The following PADI3 variants were observed in gnomAD, a reference collection of about 807,000 sequenced individuals.
PADI3 encodes the protein protein-arginine deiminase type-3.
PADI3 carries 53 observed loss-of-function variants against 71.5 expected under a neutral mutation model. That is an observed-to-expected ratio of 0.74 (90% CI 0.59 to 0.93). PADI3 has a LOEUF of 0.93. Among genes scored for constraint, PADI3 ranks in the 40% least tolerant of loss-of-function variants. The pLI is 0.00. For missense variants in PADI3, 821 were observed against 868.0 expected (o/e 0.95, Z 0.68); for synonymous variants, 361 against 347.5 (o/e 1.04, Z -0.43).
chr1:17,259,525 C>G, intron 1 of PADI3, 53 bp from the exon 2 acceptor site: 1 of 1,493,710 alleles, frequency 6.7e-7, no homozygotes, highest in Non-Finnish European at 9.0e-7. Flanking sequence ...GCTCAAACAT[C>G]TGAGCAAAAT....
chr1:17,257,031 C>CAAAAAAAA (rs967292996), intron 1 of PADI3, among the ~76,000 whole-genome samples: 1 of 37,606 alleles, frequency 2.7e-5, no homozygotes, highest in African/African-American at 8.9e-5. Context: ...GACTCTGTCT[C>CAAAAAAAA]AAAAAAAAAA....
At chr1:17,270,609 C>T (rs1212202416) in intron 7 of PADI3, among the ~76,000 whole-genome samples, 198 bp downstream of exon 7, 1 of 151,932 alleles carries the variant, frequency 6.6e-6, no homozygotes, top group Admixed American at 6.6e-5. Flanking sequence ...ATGATCACCC[C>T]ACTGCACTCC....
In PADI3 at chr1:17,266,710, C is replaced by G. The variant is rs1240806561; in HGVS notation, c.409-9C>G. 4 of 1,611,208 alleles carry G rather than the reference C, an allele frequency of 2.5e-6. No homozygotes were observed. The highest frequency in any genetic ancestry group is 1.3e-5 in the African/African-American group (1 of 74,862). ...GCCCTCATCACTGGCTATGTTTTGT[C>G]ATTGGCAGCGGCAGTGGGTCTGGGG... On this transcript the variant is annotated splice_polypyrimidine_tract_variant and intron_variant, in intron 4 of 15. Coordinates refer to ENST00000375460, the MANE Select transcript of PADI3 (RefSeq NM_016233.2).
intron 2 of PADI3, among the ~76,000 whole-genome samples, chr1:17,261,105 G>A (rs2073097380): frequency 6.6e-6 from 1 of 152,214 alleles, no homozygotes; most frequent in Non-Finnish European, 1.5e-5. Flanking sequence ...ACAGAGGTGA[G>A]TGGCCCCTGC....
intron 1 of PADI3, among the ~76,000 whole-genome samples, chr1:17,250,960 C>T (rs1201338292): frequency 2.6e-5 from 4 of 152,206 alleles, no homozygotes; most frequent in South Asian, 2.1e-4. Context: ...AGAAGGCCAT[C>T]GGTGGGACAG....
rs530171012 is a variant in PADI3 at position 17,280,741 on chromosome 1, T to A, written c.1706T>A (p.Ile569Asn). 9.3e-6 allele frequency: 15 copies of A among 1,614,108 alleles called. No individual in the cohort carries two copies. The Admixed American group carries it at 1.8e-4, about 20-fold the overall frequency. Reference protein sequence around the residue: ...LGLAECDIIDIPQLFKTERKK... With the variant: ...LGLAECDIIDNPQLFKTERKK... Reference sequence around the variant, plus strand: ...CTGGCAGAGTGTGACATCATTGACATCCCACAGCTCTTCAAGACCGAGAGG... The same window carrying A: ...CTGGCAGAGTGTGACATCATTGACAACCCACAGCTCTTCAAGACCGAGAGG... The change falls in exon 15 of 16, where the codon ATC (isoleucine) becomes AAC (asparagine). Residue 569 changes from isoleucine (I) to asparagine (N), a missense_variant. Ile to Asn is a moderately radical substitution (Grantham distance 149, BLOSUM62 -3). Coordinates refer to ENST00000375460, the MANE Select transcript of PADI3 (RefSeq NM_016233.2).
At chr1:17,274,403 C>T (rs1350824715) in intron 10 of PADI3, among the ~76,000 whole-genome samples, 3 of 152,206 alleles carry the variant, frequency 2.0e-5, no homozygotes, top group Non-Finnish European at 4.4e-5. Flanking sequence ...GCTGTCTTGC[C>T]GTGATAAGGC....
In PADI3 at chr1:17,276,679, A is replaced by G. The variant is rs770028318; in HGVS notation, c.1452+16A>G. The G allele has an allele frequency of 1.9e-5, 30 of 1,613,834 alleles. No homozygotes were observed. The Admixed American group carries it at 4.2e-4, about 22-fold the overall frequency. On this transcript the variant is annotated intron_variant, in intron 12 of 15. Transcript: ENST00000375460. Reference sequence around the variant, plus strand: ...CGATGGGAAGGTAAGAACTTCGTGCATGACGTGTCTTTCCCTGGCATCTGG... The same window carrying G: ...CGATGGGAAGGTAAGAACTTCGTGCGTGACGTGTCTTTCCCTGGCATCTGG...
chr1:17,276,497 T>C, intron 11 of PADI3, 22 bp from the exon 12 acceptor site: 1 of 1,613,358 alleles, frequency 6.2e-7, no homozygotes, highest in Non-Finnish European at 8.5e-7. Context: ...AGCAACTTTT[T>C]TTTTAACCTC....
chr1:17,250,502 G>A lies in PADI3; in HGVS notation c.92+1273G>A, dbSNP rs555752227. 8.5e-5 allele frequency among the ~76,000 whole-genome samples: 13 copies of A among 152,272 alleles called. No homozygotes were observed. The South Asian group carries it at 1.9e-3, about 22-fold the overall frequency. ...CAGGGCGAACTTAGTCGGGAGCAGCGATGGGGTTGATCCAGGGCATTGGAT... is the reference window on the plus strand; with the variant it reads ...CAGGGCGAACTTAGTCGGGAGCAGCAATGGGGTTGATCCAGGGCATTGGAT... On this transcript the variant is annotated intron_variant, in intron 1 of 15. Coordinates refer to ENST00000375460, the MANE Select transcript of PADI3 (RefSeq NM_016233.2).
chr1:17,259,394 C>T lies in PADI3; in HGVS notation c.93-184C>T, dbSNP rs142680291. Among the ~76,000 whole-genome samples the T allele has an allele frequency of 2.4e-3, 363 of 152,310 alleles. 2 individuals are homozygous for T. The highest frequency in any genetic ancestry group is 8.4e-3 in the African/African-American group (349 of 41,560). On this transcript the variant is annotated intron_variant, in intron 1 of 15. Transcript: ENST00000375460. ...GATTAAAGGAGTGAGTCACCACGCC[C>T]GGCCGACTGTGTATATGTTTGTGTG... is the stretch of plus-strand genomic sequence containing the variant.
At chr1:17,269,259 T>C (rs1356106758) in intron 6 of PADI3, among the ~76,000 whole-genome samples, 1 of 152,222 alleles carries the variant, frequency 6.6e-6, no homozygotes, top group African/African-American at 2.4e-5. Flanking sequence ...CCAGCGTGTG[T>C]CCATATGCTG....
At chr1:17,269,641 T>C (rs1213566098) in intron 6 of PADI3, among the ~76,000 whole-genome samples, 2 of 152,028 alleles carry the variant, frequency 1.3e-5, no homozygotes, top group East Asian at 1.9e-4. Context: ...TTTTTTGAGA[T>C]GGATTCTCGC....
chr1:17,269,387 GA>G (rs2073215094), intron 6 of PADI3, among the ~76,000 whole-genome samples: 1 of 152,108 alleles, frequency 6.6e-6, no homozygotes, highest in Admixed American at 6.5e-5. Flanking sequence ...GAGGTGCTGT[GA>G]CTTACACAGT....
chr1:17,274,665 C>T lies in PADI3; in HGVS notation c.1186C>T (p.Pro396Ser), dbSNP rs998243849. Residue 396 changes from proline to serine, a missense_variant, in exon 11 of 16, where the codon CCA (proline) becomes TCA (serine). Pro to Ser is a moderately conservative substitution (Grantham distance 74). Transcript: ENST00000375460. ...AGATTTTGGTTACGTGACTCGGGAA[C>T]CACGCGACAGGTCTGTGAGTGGCCT... ...GPDFGYVTRE[P>S]RDRSVSGLDS... 3 of 1,613,314 alleles carry T rather than the reference C, an allele frequency of 1.9e-6. No homozygotes were observed. Among genetic ancestry groups the T allele is most frequent in the Admixed American group, 1.7e-5 (1 of 59,928 alleles).
chr1:17,265,584 A>G (rs1455191603), intron 3 of PADI3, 75 bp from the exon 4 acceptor site: 1 of 1,313,676 alleles, frequency 7.6e-7, no homozygotes, highest in African/African-American at 1.4e-5. Context: ...TCAGCCCCAG[A>G]CAAGCCCTGA....
chr1:17,259,420 G>C (rs964256462), intron 1 of PADI3, among the ~76,000 whole-genome samples, 158 bp from the exon 2 acceptor site: 2 of 152,208 alleles, frequency 1.3e-5, no homozygotes, highest in Non-Finnish European at 2.9e-5. Context: ...TGTTTGTGTG[G>C]GGTCCAGGCT....
At chr1:17,263,902 G>A (rs2073132189) in intron 3 of PADI3, among the ~76,000 whole-genome samples, 1 of 152,148 alleles carries the variant, frequency 6.6e-6, no homozygotes, top group Admixed American at 6.6e-5. Context: ...TTGTGGAGCT[G>A]GGAAACTCCT....
chr1:17,255,777 AC>A (rs930364287), intron 1 of PADI3, among the ~76,000 whole-genome samples: 13 of 152,220 alleles, frequency 8.5e-5, no homozygotes, highest in African/African-American at 2.9e-4. Context: ...TGAGTGCTTT[AC>A]CCACACTGGT....
Sources: allele counts gnomAD v4.1 joint callset (sites outside exome capture counted in the v4.1 genomes callset), GRCh38; gene constraint gnomAD v4.1.1; transcripts MANE v1.5; gene names NCBI Gene and HGNC (gene_info 2026-07-23, HGNC 2026-07-21).